PHF21B: variants seen among roughly 807,000 people sequenced by gnomAD.
PHF21B encodes PHD finger protein 21B, also known as PHD finger protein 4.
Under a neutral mutation model 62.2 loss-of-function variants are expected in PHF21B, and 22 were observed. The ratio of observed to expected loss-of-function variants is 0.35; its 90% CI spans 0.25 to 0.51. PHF21B has a LOEUF of 0.51. PHF21B is among the 20% of genes least tolerant of loss of function. PHF21B has a pLI of 0.97. For missense variants in PHF21B, 701 were observed against 707.9 expected, an observed-to-expected ratio of 0.99 and a Z score of 0.11; for synonymous variants, 341 against 314.7, an observed-to-expected ratio of 1.08 and a Z score of -0.88.
In PHF21B at chr22:44,923,972, C is replaced by A. The variant is rs1352023900; in HGVS notation, c.121-3482G>T. Among the ~76,000 whole-genome samples the A allele has an allele frequency of 1.3e-4, 20 of 150,560 alleles. No homozygotes were observed. The Admixed American group carries it at 1.3e-3, about 10-fold the overall frequency. Reference sequence around the variant, plus strand: ...GCTGCAGTGAGCCATGATTGCACCACTGCACTCCAGCCTGAGTGACAAAGT... The same window carrying A: ...GCTGCAGTGAGCCATGATTGCACCAATGCACTCCAGCCTGAGTGACAAAGT... On this transcript the variant is annotated intron_variant, in intron 2 of 12. Transcript: ENST00000313237.
intron 2 of PHF21B, among the ~76,000 whole-genome samples, chr22:44,942,585 T>G (rs775138054): frequency 6.6e-6 from 1 of 152,164 alleles, no homozygotes; most frequent in Non-Finnish European, 1.5e-5. Flanking sequence ...TGCTCCAGGC[T>G]GCCCTAGGAG....
intron 2 of PHF21B, among the ~76,000 whole-genome samples, chr22:45,000,262 G>A (rs554516991): frequency 1.6e-4 from 25 of 152,224 alleles, no homozygotes; most frequent in East Asian, 1.2e-3. Flanking sequence ...CTGGGCCACC[G>A]GACACCCTCA....
intron 2 of PHF21B, among the ~76,000 whole-genome samples, chr22:44,924,477 T>A (rs528874218): frequency 3.9e-4 from 60 of 152,346 alleles, no homozygotes; most frequent in African/African-American, 1.4e-3. Context: ...AGATGGGGCC[T>A]CCGGGAGGTG....
intron 2 of PHF21B, chr22:45,008,253 G>A: frequency 3.6e-6 from 1 of 278,518 alleles, no homozygotes; most frequent in Non-Finnish European, 6.7e-6. Context: ...GGGAGAAATC[G>A]CCACGTTCCA....
chr22:44,934,205 C>T (rs1231730315), intron 2 of PHF21B, among the ~76,000 whole-genome samples: 1 of 152,192 alleles, frequency 6.6e-6, no homozygotes, highest in Non-Finnish European at 1.5e-5. Context: ...GCCACTTCCT[C>T]CTGACTCTCA....
At chr22:44,918,289 C>T (rs565522706) in intron 3 of PHF21B, among the ~76,000 whole-genome samples, 26 of 152,230 alleles carry the variant, frequency 1.7e-4, no homozygotes, top group Non-Finnish European at 3.2e-4. Flanking sequence ...GGTCGATCAT[C>T]TGGGGTTTGC....
At chr22:44,921,727 T>C (rs773228839) in intron 2 of PHF21B, among the ~76,000 whole-genome samples, 3 of 149,322 alleles carry the variant, frequency 2.0e-5, no homozygotes, top group Non-Finnish European at 3.0e-5. Flanking sequence ...GGCGTGATCT[T>C]GGCTCACTGC....
At chr22:44,892,910 A>G (rs1482309986) in intron 7 of PHF21B, among the ~76,000 whole-genome samples, 2 of 152,142 alleles carry the variant, frequency 1.3e-5, no homozygotes, top group Non-Finnish European at 2.9e-5. Flanking sequence ...ACCCTGCTGC[A>G]CTGGACCGAT....
intron 2 of PHF21B, among the ~76,000 whole-genome samples, chr22:44,929,471 G>C (rs1045848441): frequency 2.0e-5 from 3 of 152,232 alleles, no homozygotes; most frequent in African/African-American, 7.2e-5. Flanking sequence ...TCTGGTCTCA[G>C]CTGGCTGCCC....
chr22:44,947,580 C>T (rs976216072), intron 2 of PHF21B, among the ~76,000 whole-genome samples: 5 of 151,350 alleles, frequency 3.3e-5, no homozygotes, highest in South Asian at 2.1e-4. Flanking sequence ...ACCGCAGCCC[C>T]GCTCGGCAGC....
chr22:44,980,091 A>G (rs2072811684), intron 2 of PHF21B, among the ~76,000 whole-genome samples: 1 of 151,310 alleles, frequency 6.6e-6, no homozygotes, highest in Non-Finnish European at 1.5e-5. Context: ...AAAAAAAAAA[A>G]AAAAAGGAAA....
chr22:44,924,521 C>CTCT (rs918084961), intron 2 of PHF21B, among the ~76,000 whole-genome samples: 4 of 152,162 alleles, frequency 2.6e-5, no homozygotes, highest in Non-Finnish European at 5.9e-5. Flanking sequence ...TCAGTTAGTG[C>CTCT]TCTTATAAGA....
intron 2 of PHF21B, among the ~76,000 whole-genome samples, chr22:44,959,314 T>C (rs1238864238): frequency 1.3e-5 from 2 of 152,212 alleles, no homozygotes; most frequent in Admixed American, 6.5e-5. Context: ...CTCTCCACTT[T>C]GTGATTCACG....
intron 2 of PHF21B, among the ~76,000 whole-genome samples, chr22:44,942,955 C>G (rs572206503): frequency 3.0e-4 from 46 of 151,650 alleles, no homozygotes; most frequent in Admixed American, 4.6e-4. Context: ...GGACACAGGC[C>G]TGAGGCAGGG....
At chr22:44,888,383 T>C (rs1379002396) in intron 9 of PHF21B, among the ~76,000 whole-genome samples, 1 of 152,152 alleles carries the variant, frequency 6.6e-6, no homozygotes, top group African/African-American at 2.4e-5. Flanking sequence ...GAGTCTGGCC[T>C]GGTGTGACTC....
intron 2 of PHF21B, among the ~76,000 whole-genome samples, chr22:44,978,106 T>G (rs995826036): frequency 2.0e-5 from 3 of 152,140 alleles, no homozygotes; most frequent in Non-Finnish European, 4.4e-5. Context: ...TGCTAGGATT[T>G]TCAGGCCTCC....
chr22:45,008,498 C>A (rs2147555265), intron 2 of PHF21B, 47 bp downstream of exon 2: 1 of 1,482,654 alleles, frequency 6.7e-7, no homozygotes, highest in South Asian at 1.3e-5. Flanking sequence ...AAGTGCCCAG[C>A]CACCCTCCCG....
intron 1 of PHF21B, chr22:45,008,900 G>A: frequency 8.6e-7 from 1 of 1,166,920 alleles, no homozygotes; most frequent in Non-Finnish European, 1.1e-6. Flanking sequence ...GTGCGTGTGC[G>A]AGTGAGTGTG....
In PHF21B at chr22:44,885,952, G is replaced by C. The variant is rs761722929; in HGVS notation, c.1198-14C>G. On this transcript the variant is annotated splice_polypyrimidine_tract_variant and intron_variant, in intron 10 of 12. Coordinates refer to ENST00000313237, the MANE Select transcript of PHF21B (RefSeq NM_138415.5). ...TTTCTTTAAGGCCTGGGGAGCAGAC[G>C]GGGAGATGAAAAAGTGGACAGGCCC... is the stretch of plus-strand genomic sequence containing the variant. The C allele has an allele frequency of 1.4e-5, 22 of 1,613,056 alleles. No homozygotes were observed. Among genetic ancestry groups the C allele is most frequent in the Non-Finnish European group, 1.8e-5 (21 of 1,179,616 alleles).
Sources: allele counts gnomAD v4.1 joint callset (sites outside exome capture counted in the v4.1 genomes callset), GRCh38; gene constraint gnomAD v4.1.1; transcripts MANE v1.5; gene names NCBI Gene and HGNC (gene_info 2026-07-23, HGNC 2026-07-21).